Variants in LGSN observed in about 807,000 individuals in gnomAD.
The protein encoded by LGSN is lengsin.
Under a neutral mutation model 19.5 loss-of-function variants are expected in LGSN, and 21 were observed. The observed-to-expected ratio is 1.07, with a 90% CI of 0.76 to 1.55. The LOEUF (loss-of-function observed/expected upper bound fraction) is 1.55, where lower values mean the gene tolerates loss of function less well. Ranked by LOEUF, LGSN falls within the 40% of genes most tolerant of loss-of-function variation. LGSN has a pLI of 0.00. For missense variants in LGSN, 673 were observed against 608.5 expected, an observed-to-expected ratio of 1.11 and a Z score of -1.12; for synonymous variants, 257 against 215.6, an observed-to-expected ratio of 1.19 and a Z score of -1.68.
the LGSN span, among the ~76,000 whole-genome samples, chr6:63,533,211 G>A: frequency 6.6e-6 from 1 of 152,106 alleles, no homozygotes; most frequent in Admixed American, 6.6e-5. Flanking sequence ...GTTAAACCTG[G>A]TATCTACTAA....
At chr6:63,454,706 G>A in the LGSN span, among the ~76,000 whole-genome samples, 1 of 151,166 alleles carries the variant, frequency 6.6e-6, no homozygotes, top group East Asian at 1.9e-4. Context: ...TCTTGACCTC[G>A]TGATCCATCT....
the LGSN span, among the ~76,000 whole-genome samples, chr6:63,411,715 C>G: frequency 1.3e-5 from 2 of 152,002 alleles, no homozygotes; most frequent in Non-Finnish European, 2.9e-5. Flanking sequence ...TGGTGTGCAC[C>G]TGTAGTCCCA....
At chr6:63,484,270 A>G in the LGSN span, among the ~76,000 whole-genome samples, 2 of 152,260 alleles carry the variant, frequency 1.3e-5, no homozygotes, top group Non-Finnish European at 2.9e-5. Flanking sequence ...TAGGAGGCCA[A>G]GAAGGGCAGA....
chr6:63,358,289 T>G, the LGSN span, among the ~76,000 whole-genome samples: 1 of 152,242 alleles, frequency 6.6e-6, no homozygotes, highest in Non-Finnish European at 1.5e-5. Context: ...TTTGTTCTTT[T>G]GGCTTAGGAT....
At chr6:63,468,127 T>G in the LGSN span, among the ~76,000 whole-genome samples, 2 of 152,214 alleles carry the variant, frequency 1.3e-5, no homozygotes, top group Non-Finnish European at 1.5e-5. Context: ...TACTTATTTT[T>G]TAATTTTTGT....
chr6:63,286,012 G>A (rs1195256786), intron 2 of LGSN, among the ~76,000 whole-genome samples: 4 of 152,088 alleles, frequency 2.6e-5, no homozygotes, highest in African/African-American at 9.7e-5. Context: ...TAAGGATATA[G>A]CGATATCATA....
chr6:63,441,626 C>T, the LGSN span: 9 of 464,916 alleles, frequency 1.9e-5, no homozygotes, highest in African/African-American at 1.2e-4. Flanking sequence ...AGAGGAAATG[C>T]GGAAGCGGGA....
chr6:63,441,645 A>T, the LGSN span: 1 of 480,250 alleles, frequency 2.1e-6, no homozygotes, highest in Non-Finnish European at 4.0e-6. Context: ...GAGAAGGCAG[A>T]GGAGAAAGAG....
At chr6:63,418,217 A>T in the LGSN span, among the ~76,000 whole-genome samples, 1 of 152,218 alleles carries the variant, frequency 6.6e-6, no homozygotes, top group Non-Finnish European at 1.5e-5. Flanking sequence ...TGTAGTAGAC[A>T]CTTTTTCACA....
chr6:63,284,460 G>C (rs1364745845), intron 3 of LGSN, among the ~76,000 whole-genome samples: 8 of 152,096 alleles, frequency 5.3e-5, no homozygotes, highest in African/African-American at 1.9e-4. Flanking sequence ...GCAGCATACT[G>C]TTTTATTTTT....
At chr6:63,452,239 G>A in the LGSN span, among the ~76,000 whole-genome samples, 9 of 151,712 alleles carry the variant, frequency 5.9e-5, no homozygotes, top group South Asian at 2.1e-4. Flanking sequence ...TTGGTTTTTC[G>A]TTTGTTTGTT....
At chr6:63,562,155 T>A in the LGSN span, among the ~76,000 whole-genome samples, 2 of 152,116 alleles carry the variant, frequency 1.3e-5, no homozygotes, top group Admixed American at 6.5e-5. Context: ...TTATTTAACA[T>A]TACAATTATT....
chr6:63,322,493 C>T (rs540635156), upstream of LGSN, among the ~76,000 whole-genome samples: 29 of 152,234 alleles, frequency 1.9e-4, 1 homozygote, highest in Admixed American at 1.4e-3. Flanking sequence ...ACCTTTCTCC[C>T]GATTTGTTGT....
chr6:63,367,319 A>C, the LGSN span, among the ~76,000 whole-genome samples: 1 of 152,244 alleles, frequency 6.6e-6, no homozygotes, highest in African/African-American at 2.4e-5. Context: ...ACATTTATGC[A>C]GCCAACAAAC....
At chr6:63,362,337 C>T in the LGSN span, among the ~76,000 whole-genome samples, 2 of 152,200 alleles carry the variant, frequency 1.3e-5, no homozygotes, top group South Asian at 2.1e-4. Flanking sequence ...AACTGAGGTA[C>T]CAGGTTCATC....
At chr6:63,525,419 G>A in the LGSN span, among the ~76,000 whole-genome samples, 382 of 152,314 alleles carry the variant, frequency 2.5e-3, 3 homozygotes, top group African/African-American at 8.7e-3. Flanking sequence ...CCGTTTGCTT[G>A]CTATTCTTGT....
chr6:63,467,761 G>T, the LGSN span, among the ~76,000 whole-genome samples: 45 of 152,128 alleles, frequency 3.0e-4, no homozygotes, highest in African/African-American at 9.9e-4. Context: ...GCGTGATCTC[G>T]GCTCACTGCA....
At chr6:63,507,925 C>T in the LGSN span, among the ~76,000 whole-genome samples, 1 of 152,126 alleles carries the variant, frequency 6.6e-6, no homozygotes. Context: ...GTTGAGTTTT[C>T]CATCATGCCC....
chr6:63,470,866 A>C, the LGSN span, among the ~76,000 whole-genome samples: 1 of 151,906 alleles, frequency 6.6e-6, no homozygotes, highest in Non-Finnish European at 1.5e-5. Context: ...TTCTCTGAGA[A>C]GGGTACTCAT....
Sources: allele counts gnomAD v4.1 joint callset (sites outside exome capture counted in the v4.1 genomes callset), GRCh38; gene constraint gnomAD v4.1.1; transcripts MANE v1.5; gene names NCBI Gene and HGNC (gene_info 2026-07-23, HGNC 2026-07-21).